PCM1: variants seen among roughly 807,000 people sequenced by gnomAD.
PCM1 encodes pericentriolar material 1 protein.
PCM1 carries 157 observed loss-of-function variants against 241.9 expected under a neutral mutation model. That is an observed-to-expected ratio of 0.65 (90% CI 0.57 to 0.74). The LOEUF is 0.74. PCM1 is among the 30% of genes least tolerant of loss of function. The pLI is 0.00. For missense variants in PCM1, 3,478 were observed against 2,360.1 expected, an observed-to-expected ratio of 1.47 and a Z score of -9.81; for synonymous variants, 1,085 against 784.9, an observed-to-expected ratio of 1.38 and a Z score of -6.39.
chr8:17,966,595 T>C lies in PCM1; in HGVS notation c.3221+122T>C, dbSNP rs140554759. ...GCATATTTGGACATTCTCTTTCCCT[T>C]GAGAATTTTATAAGTGGTGATTTAC... On this transcript the variant is annotated intron_variant, in intron 20 of 38. Coordinates refer to ENST00000325083, the MANE Select transcript of PCM1 (RefSeq NM_006197.4). 1.8e-4 allele frequency: 142 copies of C among 781,220 alleles called. No individual in the cohort carries two copies. The East Asian group carries it at 3.5e-3, about 19-fold the overall frequency. The allele number at this position is 781,220 out of a possible 1,614,324, so 48.4% of individuals were successfully genotyped here.
At position 17,939,711 on chromosome 8, in the gene PCM1, A is replaced by T; in HGVS notation, c.633A>T (p.Gln211His). The T allele has an allele frequency of 6.5e-7, 1 of 1,540,452 alleles. No individual in the cohort carries two copies. The highest frequency in any genetic ancestry group is 8.7e-7 in the Non-Finnish European group (1 of 1,143,020). ...ESSQIVSRLV[Q>H]IRDYITKASS... ...TGCAGATTGTAAGCAGGCTTGTTCA[A>T]ATTCGCGATTATATTACTAAAGCTA... The change falls in exon 6 of 39, where the codon CAA becomes CAT. Residue 211 changes from glutamine (Q) to histidine (H), a missense_variant. By Grantham distance (24) the Gln-to-His change is conservative (BLOSUM62 0). Transcript: ENST00000325083.
At chr8:17,965,725 A>G (rs943217623) in intron 18 of PCM1, among the ~76,000 whole-genome samples, 22 of 152,238 alleles carry the variant, frequency 1.4e-4, no homozygotes, top group African/African-American at 5.1e-4. Flanking sequence ...ACTACTTGTG[A>G]CATAATAAAT....
rs780988274 is a variant in PCM1 at position 17,955,454 on chromosome 8, G to T, written c.1289-16G>T. ...TGGTGATTAAAAAAAATTTTTTGTT[G>T]TTGTGCCTTCTTCAGCCTCTCCACA... On this transcript the variant is annotated splice_polypyrimidine_tract_variant and intron_variant, in intron 9 of 38. Coordinates refer to ENST00000325083, the MANE Select transcript of PCM1 (RefSeq NM_006197.4). The T allele has an allele frequency of 3.9e-6, 6 of 1,544,024 alleles. No homozygotes were observed. The highest frequency in any genetic ancestry group is 2.1e-5 in the Admixed American group (1 of 46,610).
intron 30 of PCM1, among the ~76,000 whole-genome samples, chr8:18,007,119 C>G (rs1424241097): frequency 1.3e-5 from 2 of 152,080 alleles, no homozygotes; most frequent in African/African-American, 4.8e-5. Context: ...AACATCTTTA[C>G]CTTTATATTT....
intron 6 of PCM1, 73 bp downstream of exon 6, chr8:17,939,934 A>C: frequency 9.0e-7 from 1 of 1,110,728 alleles, no homozygotes; most frequent in Non-Finnish European, 1.3e-6. Flanking sequence ...TGACATTCTG[A>C]TGCCACCCCA....
chr8:17,940,647 A>G (rs2061739792), intron 6 of PCM1, among the ~76,000 whole-genome samples: 1 of 152,174 alleles, frequency 6.6e-6, no homozygotes, highest in Non-Finnish European at 1.5e-5. Context: ...AAATCGAGAG[A>G]AAGACTAGTA....
At chr8:17,985,354 T>C (rs2082253078) in intron 24 of PCM1, 93 bp from the exon 25 acceptor site, 2 of 753,460 alleles carry the variant, frequency 2.7e-6, no homozygotes, top group Admixed American at 3.6e-5. Context: ...AATTTTTAGA[T>C]AATTTAAAGC....
At chr8:17,997,975 G>T (rs1435713510) in intron 29 of PCM1, among the ~76,000 whole-genome samples, 1 of 151,306 alleles carries the variant, frequency 6.6e-6, no homozygotes, top group Non-Finnish European at 1.5e-5. Flanking sequence ...GGCGGAGGTT[G>T]CAGTGAGCCG....
chr8:17,966,488 A>C lies in PCM1; in HGVS notation c.3221+15A>C, dbSNP rs754873486. On this transcript the variant is annotated intron_variant, in intron 20 of 38. Transcript: ENST00000325083. ...AATGTTCAGAGGTAATCTGTTTCTT[A>C]GAAGTATTGAGACTGTATAAGAGCT... The C allele has an allele frequency of 2.5e-6, 4 of 1,611,310 alleles. No homozygotes were observed. The highest frequency in any genetic ancestry group is 3.3e-5 in the Admixed American group (2 of 59,966).
intron 16 of PCM1, among the ~76,000 whole-genome samples, chr8:17,962,631 T>G (rs969064679): frequency 6.6e-6 from 1 of 152,162 alleles, no homozygotes; most frequent in East Asian, 1.9e-4. Flanking sequence ...CCATGTGCGG[T>G]GACTCACACC....
intron 9 of PCM1, among the ~76,000 whole-genome samples, chr8:17,954,489 TGTC>T (rs1348588950): frequency 7.9e-5 from 12 of 152,176 alleles, no homozygotes; most frequent in South Asian, 4.2e-4. Context: ...CTTAAGTCCT[TGTC>T]GTCAGTTTTG....
At chr8:18,020,100 C>G (rs2093637626) in intron 36 of PCM1, among the ~76,000 whole-genome samples, 1 of 152,140 alleles carries the variant, frequency 6.6e-6, no homozygotes, top group South Asian at 2.1e-4. Flanking sequence ...TAAAATAAAC[C>G]TGGCCTTATA....
At chr8:17,937,914 GATA>G (rs1364863143) in intron 4 of PCM1, among the ~76,000 whole-genome samples, 2 of 152,108 alleles carry the variant, frequency 1.3e-5, no homozygotes, top group South Asian at 2.1e-4. Context: ...ATTCAAGTCT[GATA>G]ATGATGTTGG....
chr8:18,005,862 AAAAT>A (rs1303520795), intron 29 of PCM1, among the ~76,000 whole-genome samples: 4 of 152,216 alleles, frequency 2.6e-5, no homozygotes, highest in African/African-American at 9.6e-5. Context: ...CCTGAGTTAG[AAAAT>A]AATAGGGAAT....
chr8:17,988,841 G>A (rs1438270068), intron 26 of PCM1, among the ~76,000 whole-genome samples: 1 of 151,916 alleles, frequency 6.6e-6, no homozygotes, highest in Non-Finnish European at 1.5e-5. Context: ...GGAACAGTTG[G>A]AACTCTCACA....
At position 18,011,663 on chromosome 8, in the gene PCM1, T is replaced by C. The variant is rs2092538083; in HGVS notation, c.5351-4T>C. ...TACTAAAAATTGTGTATTAATCAAC[T>C]TAGATTTGTCTAAAGCTGAAACTCA... On this transcript the variant is annotated splice_polypyrimidine_tract_variant and splice_region_variant and intron_variant, in intron 33 of 38. Coordinates refer to ENST00000325083, the MANE Select transcript of PCM1 (RefSeq NM_006197.4). 1.2e-6 allele frequency: 2 copies of C among 1,600,584 alleles called. No homozygotes were observed. Among genetic ancestry groups the C allele is most frequent in the Non-Finnish European group, 1.7e-6 (2 of 1,173,582 alleles).
chr8:18,011,880 A>G (rs2129485668), intron 34 of PCM1, 53 bp downstream of exon 34: 4 of 1,476,944 alleles, frequency 2.7e-6, no homozygotes, highest in Non-Finnish European at 3.7e-6. Context: ...AACTAATCAA[A>G]CTTCCATCAG....
chr8:17,940,051 A>G, intron 6 of PCM1, 190 bp downstream of exon 6: 1 of 1,569,924 alleles, frequency 6.4e-7, no homozygotes, highest in South Asian at 1.2e-5. Flanking sequence ...GGCTAGAGAA[A>G]ATGAGGAGGA....
intron 18 of PCM1, among the ~76,000 whole-genome samples, chr8:17,965,043 C>G (rs2074284734): frequency 1.3e-5 from 2 of 152,140 alleles, no homozygotes; most frequent in East Asian, 3.9e-4. Context: ...TCTTACAATC[C>G]CCTTCAGGTT....
Sources: allele counts gnomAD v4.1 joint callset (sites outside exome capture counted in the v4.1 genomes callset), GRCh38; gene constraint gnomAD v4.1.1; transcripts MANE v1.5; gene names NCBI Gene and HGNC (gene_info 2026-07-23, HGNC 2026-07-21).